The following PDE1C variants were observed in gnomAD, a reference collection of about 807,000 sequenced individuals.
PDE1C encodes dual specificity calcium/calmodulin-dependent 3',5'-cyclic nucleotide phosphodiesterase 1C.
PDE1C carries 62 observed loss-of-function variants against 93.1 expected under a neutral mutation model. The ratio of observed to expected loss-of-function variants is 0.67; its 90% confidence interval spans 0.54 to 0.82. The LOEUF is 0.82. Ranked by LOEUF, PDE1C falls within the 40% of genes least tolerant of loss-of-function variation. The pLI, the probability that PDE1C is intolerant of heterozygous loss-of-function variation, is 0.00. For synonymous variants in PDE1C, 325 were observed against 310.1 expected, an observed-to-expected ratio of 1.05 and a Z score of -0.50; for missense variants, 742 against 884.6, an observed-to-expected ratio of 0.84 and a Z score of 2.04.
the PDE1C span, among the ~76,000 whole-genome samples, chr7:31,706,813 T>C: frequency 6.6e-6 from 1 of 152,222 alleles, no homozygotes; most frequent in Non-Finnish European, 1.5e-5. Flanking sequence ...ACTGTACTCA[T>C]GTTATATTGA....
intron 1 of PDE1C, among the ~76,000 whole-genome samples, chr7:32,389,822 G>A (rs1286226739): frequency 6.6e-6 from 1 of 152,136 alleles, no homozygotes; most frequent in Non-Finnish European, 1.5e-5. Flanking sequence ...TCCAATTTTA[G>A]GGATGCACAA....
intron 2 of PDE1C, among the ~76,000 whole-genome samples, chr7:31,889,956 C>T (rs939129430): frequency 6.6e-6 from 1 of 152,016 alleles, no homozygotes. Flanking sequence ...TGCCAATCAA[C>T]TCACACATTT....
At chr7:32,139,512 C>G (rs32314) in intron 3 of PDE1C, among the ~76,000 whole-genome samples, 1 of 151,588 alleles carries the variant, frequency 6.6e-6, no homozygotes, top group South Asian at 2.1e-4. Context: ...CTCAGTGTCC[C>G]TGTTTGCTTG....
chr7:31,618,509 G>GA, the PDE1C span, among the ~76,000 whole-genome samples: 7 of 152,046 alleles, frequency 4.6e-5, no homozygotes, highest in Non-Finnish European at 7.4e-5. Flanking sequence ...CTAATCCCAA[G>GA]AAAAAATGCC....
intron 1 of PDE1C, among the ~76,000 whole-genome samples, chr7:32,246,123 C>T (rs1381959542): frequency 4.0e-5 from 6 of 151,860 alleles, no homozygotes; most frequent in African/African-American, 9.7e-5. Flanking sequence ...TGTACACCTC[C>T]ACTCCCAGCT....
chr7:31,634,119 C>A, the PDE1C span, among the ~76,000 whole-genome samples: 8 of 152,220 alleles, frequency 5.3e-5, no homozygotes, highest in African/African-American at 1.2e-4. Flanking sequence ...TGATTATTCC[C>A]ACAAAGTGCC....
At chr7:31,971,016 C>A (rs1810881925) in intron 2 of PDE1C, among the ~76,000 whole-genome samples, 1 of 152,124 alleles carries the variant, frequency 6.6e-6, no homozygotes, top group Admixed American at 6.5e-5. Context: ...GTAGCACATG[C>A]CTGTAATCCC....
chr7:32,137,351 G>A (rs576527854), intron 3 of PDE1C, among the ~76,000 whole-genome samples: 6 of 152,292 alleles, frequency 3.9e-5, no homozygotes, highest in East Asian at 1.9e-4. Context: ...AGGGCTGTGC[G>A]ACTGCAGCAC....
At chr7:32,293,276 T>A (rs1176540720) in intron 1 of PDE1C, among the ~76,000 whole-genome samples, 2 of 152,080 alleles carry the variant, frequency 1.3e-5, no homozygotes, top group East Asian at 3.9e-4. Context: ...GCATGATAAA[T>A]CTGCGTGTGA....
At chr7:32,130,229 G>T (rs1051739769) in intron 3 of PDE1C, among the ~76,000 whole-genome samples, 1 of 151,964 alleles carries the variant, frequency 6.6e-6, no homozygotes, top group Admixed American at 6.6e-5. Flanking sequence ...TCTCACTGCA[G>T]AAGCTATCTA....
At chr7:31,746,760 C>A (rs1190233830), downstream of PDE1C, among the ~76,000 whole-genome samples, 1 of 151,902 alleles carries the variant, frequency 6.6e-6, no homozygotes, top group Non-Finnish European at 1.5e-5. Flanking sequence ...GTAGGAAACA[C>A]AAAAATTAGG....
intron 1 of PDE1C, among the ~76,000 whole-genome samples, chr7:32,229,732 G>C (rs1807555610): frequency 6.6e-6 from 1 of 152,212 alleles, no homozygotes; most frequent in Admixed American, 6.5e-5. Flanking sequence ...AGTTGCTCAA[G>C]GTCACACAGC....
chr7:32,425,714 G>C (rs769075320), intron 1 of PDE1C, among the ~76,000 whole-genome samples: 12 of 152,132 alleles, frequency 7.9e-5, no homozygotes, highest in Non-Finnish European at 1.6e-4. Context: ...GACCAACATG[G>C]GTGGATTGCT....
chr7:32,177,914 A>G (rs949705268), intron 2 of PDE1C, among the ~76,000 whole-genome samples: 13 of 152,210 alleles, frequency 8.5e-5, no homozygotes, highest in African/African-American at 3.1e-4. Flanking sequence ...GGGATCACAG[A>G]GAAGGTGGGG....
chr7:31,966,446 C>A (rs2129041730), intron 2 of PDE1C, among the ~76,000 whole-genome samples: 1 of 152,284 alleles, frequency 6.6e-6, no homozygotes, highest in Non-Finnish European at 1.5e-5. Flanking sequence ...CAGGAGCACC[C>A]AGATTCATAA....
intron 1 of PDE1C, among the ~76,000 whole-genome samples, chr7:32,297,716 C>T (rs139879911): frequency 5.9e-5 from 9 of 152,134 alleles, no homozygotes; most frequent in African/African-American, 9.7e-5. Context: ...GGAAAGAAAA[C>T]AGGAGCCACT....
rs535401865 is a variant in PDE1C, at chr7:32,156,395, C to T, written c.308+13390G>A. On this transcript the variant is annotated intron_variant, in intron 3 of 18. Transcript: ENST00000396193. ...TTTTCTATCAGATTAGGGGACTCCA[C>T]AAGAGCCCCCGTTGGCCATTCACAT... 3.3e-5 allele frequency among the ~76,000 whole-genome samples: 5 copies of T among 152,308 alleles called. No individual in the cohort carries two copies. The South Asian group carries it at 8.3e-4, about 25-fold the overall frequency.
At chr7:32,340,889 A>G (rs1316131622) in intron 1 of PDE1C, among the ~76,000 whole-genome samples, 1 of 152,162 alleles carries the variant, frequency 6.6e-6, no homozygotes, top group African/African-American at 2.4e-5. Context: ...GATTTTTAGA[A>G]CAGTGAGATT....
chr7:31,945,406 A>T (rs1184557177), intron 2 of PDE1C, among the ~76,000 whole-genome samples: 1 of 152,118 alleles, frequency 6.6e-6, no homozygotes, highest in Non-Finnish European at 1.5e-5. Context: ...CTTGAAGAAA[A>T]AGTCTTCTAG....
Sources: allele counts gnomAD v4.1 joint callset (sites outside exome capture counted in the v4.1 genomes callset), GRCh38; gene constraint gnomAD v4.1.1; transcripts MANE v1.5; gene names NCBI Gene and HGNC (gene_info 2026-07-23, HGNC 2026-07-21).